Variants in RNF19B observed in about 807,000 individuals in gnomAD.
The protein encoded by RNF19B is E3 ubiquitin-protein ligase RNF19B.
In RNF19B, 23 loss-of-function variants were observed where a neutral mutation model predicts 65.5. The observed-to-expected ratio is 0.35, with a 90% CI of 0.25 to 0.50. RNF19B has a LOEUF of 0.50. RNF19B is among the 20% of genes least tolerant of loss of function. The probability of loss-of-function intolerance (pLI) is 0.98; values close to 1 mark genes in which losing one functional copy is unlikely to be tolerated. For missense variants in RNF19B, 794 were observed against 980.0 expected, an observed-to-expected ratio of 0.81 and a Z score of 2.53; for synonymous variants, 372 against 379.6, an observed-to-expected ratio of 0.98 and a Z score of 0.23.
At chr1:32,958,565 A>C (rs1180552892) in intron 1 of RNF19B, among the ~76,000 whole-genome samples, 1 of 152,090 alleles carries the variant, frequency 6.6e-6, no homozygotes, top group Non-Finnish European at 1.5e-5. Flanking sequence ...AAATACAAAA[A>C]ATTAGCCAGG....
chr1:32,959,412 G>C (rs560816498), intron 1 of RNF19B, among the ~76,000 whole-genome samples: 2 of 152,300 alleles, frequency 1.3e-5, no homozygotes, highest in East Asian at 1.9e-4. Flanking sequence ...CAGGATACTT[G>C]AGAGGAAAAC....
In RNF19B at chr1:32,964,657, G is replaced by T; in HGVS notation, c.29C>A (p.Pro10Gln). The part of the protein sequence containing the change: MGSEKDSES[P>Q]RSTSLHAAAP... ...GGCCGCATGTAGCGATGTGGAGCGC[G>T]GCGACTCGGAGTCCTTCTCGGAGCC... Residue 10 changes from proline to glutamine, a missense_variant, in exon 1 of 9, where the codon CCG becomes CAG. Around this residue, in one of 3 missense-constraint regions of RNF19B, gnomAD observed 374 missense variants for 423.8 expected, o/e 0.88. Transcript: ENST00000235150. This position sits in a 1 kb window ranked among gnomAD's most constrained non-coding sequence, Gnocchi z 6.5. 1 of 1,473,868 alleles carries T rather than the reference G, an allele frequency of 6.8e-7. No individual in the cohort carries two copies. Among genetic ancestry groups the T allele is most frequent in the Non-Finnish European group, 9.0e-7 (1 of 1,116,616 alleles). 91.3% of individuals were successfully genotyped at this position (1,473,868 alleles called of 1,614,324 possible).
intron 7 of RNF19B, 113 bp downstream of exon 7, chr1:32,942,139 C>A: frequency 1.1e-6 from 1 of 870,120 alleles, no homozygotes. Flanking sequence ...AAACCATTGA[C>A]AATTAAATCA....
At chr1:32,946,355 C>A (rs759649860) in intron 4 of RNF19B, 47 bp downstream of exon 4, 13 of 1,571,542 alleles carry the variant, frequency 8.3e-6, no homozygotes, top group Non-Finnish European at 1.1e-5. Flanking sequence ...CCTTTACTAA[C>A]GAACCTAAAG....
At chr1:32,949,880 T>C in intron 1 of RNF19B, 106 bp from the exon 2 acceptor site, 1 of 781,364 alleles carries the variant, frequency 1.3e-6, no homozygotes, top group South Asian at 1.6e-5. Flanking sequence ...CACTATCACA[T>C]ATGATACAGA....
At chr1:32,942,207 C>G (rs746030763) in intron 7 of RNF19B, 45 bp downstream of exon 7, 1 of 1,503,714 alleles carries the variant, frequency 6.7e-7, no homozygotes, top group Admixed American at 1.7e-5. Context: ...TGTGTTACTT[C>G]TTATAATTCT....
At chr1:32,929,677 T>C in the RNF19B span, among the ~76,000 whole-genome samples, 2 of 152,202 alleles carry the variant, frequency 1.3e-5, no homozygotes, top group African/African-American at 4.8e-5. Flanking sequence ...CTGCACCCCC[T>C]TTTTCAAGGG....
At chr1:32,959,709 G>C (rs1642724092) in intron 1 of RNF19B, among the ~76,000 whole-genome samples, 1 of 152,036 alleles carries the variant, frequency 6.6e-6, no homozygotes, top group African/African-American at 2.4e-5. Flanking sequence ...CTTGTTTTAA[G>C]ATTATACTAG....
At chr1:32,945,655 TCAG>T (rs1234533343) in intron 4 of RNF19B, 27 bp from the exon 5 acceptor site, 3 of 1,410,238 alleles carry the variant, frequency 2.1e-6, no homozygotes, top group Non-Finnish European at 3.0e-6. Flanking sequence ...AAAATCCAGG[TCAG>T]CAGGTTAGGA....
rs559015539 is a variant in RNF19B, at chr1:32,949,787, A to G, written c.636-13T>C. Reference sequence around the variant, plus strand: ...AATAACAGCATAACTAGGTAAGGAAACAGTAAGAGATACCAGTAAGGTAAG... The same window carrying G: ...AATAACAGCATAACTAGGTAAGGAAGCAGTAAGAGATACCAGTAAGGTAAG... On this transcript the variant is annotated splice_polypyrimidine_tract_variant and intron_variant, in intron 1 of 8. Coordinates refer to ENST00000235150, the MANE Select transcript of RNF19B (RefSeq NM_001300826.2). 16 of 1,600,760 alleles carry G rather than the reference A, an allele frequency of 1.0e-5. No individual in the cohort carries two copies. The Admixed American group carries it at 1.5e-4, about 15-fold the overall frequency.
chr1:32,951,905 C>T (rs1054108578), intron 1 of RNF19B, among the ~76,000 whole-genome samples: 4 of 151,664 alleles, frequency 2.6e-5, no homozygotes, highest in Non-Finnish European at 2.9e-5. Flanking sequence ...AGTGATTCTC[C>T]TGCCTCAGCC....
At chr1:32,929,162 G>A in the RNF19B span, among the ~76,000 whole-genome samples, 2 of 152,102 alleles carry the variant, frequency 1.3e-5, no homozygotes, top group Non-Finnish European at 2.9e-5. Flanking sequence ...AGCTTCTGAT[G>A]GTTTGCTGGC....
At chr1:32,951,005 A>C (rs11808724) in intron 1 of RNF19B, among the ~76,000 whole-genome samples, 1 of 151,758 alleles carries the variant, frequency 6.6e-6, no homozygotes, top group South Asian at 2.1e-4. Context: ...ATGCGCAGCT[A>C]ATTTTTGTAT....
At position 32,936,631 on chromosome 1, in the gene RNF19B, T is replaced by C; in HGVS notation, c.*175A>G. On this transcript the variant is annotated 3_prime_UTR_variant, in exon 9 of 9. Transcript: ENST00000235150. ...AGGGGAACTAACGGCAAACTTTTCA[T>C]GTTTTATCTGGTAAGAAATTGTGAA... 1 of 653,010 alleles carries C rather than the reference T, an allele frequency of 1.5e-6. No homozygotes were observed. The highest frequency in any genetic ancestry group is 2.4e-6 in the Non-Finnish European group (1 of 416,426). 40.5% of individuals were successfully genotyped at this position (653,010 alleles called of 1,614,324 possible). A position where few individuals can be genotyped will look rare whatever the true frequency, so the allele number is the denominator to read the frequency against.
chr1:32,954,219 T>A (rs989333154), intron 1 of RNF19B, among the ~76,000 whole-genome samples: 1 of 151,696 alleles, frequency 6.6e-6, no homozygotes, highest in Non-Finnish European at 1.5e-5. Context: ...GCCCACTTTT[T>A]TTTTTTTCTT....
At chr1:32,931,206 CCAA>C in the RNF19B span, among the ~76,000 whole-genome samples, 2 of 152,122 alleles carry the variant, frequency 1.3e-5, no homozygotes, top group African/African-American at 4.8e-5. Context: ...TCTTCCTGGT[CCAA>C]CATCTTTGGA....
intron 6 of RNF19B, among the ~76,000 whole-genome samples, chr1:32,942,762 T>C (rs1188342286): frequency 1.3e-5 from 2 of 152,206 alleles, no homozygotes; most frequent in African/African-American, 2.4e-5. Context: ...TCCACTACAC[T>C]GTTGCTTCCA....
intron 5 of RNF19B, 63 bp downstream of exon 5, chr1:32,945,451 A>G: frequency 2.0e-6 from 2 of 1,020,408 alleles, no homozygotes; most frequent in South Asian, 2.7e-5. Context: ...ACATCTGGCC[A>G]TCTGGCTAAA....
At chr1:32,945,760 C>T (rs1642352031) in intron 4 of RNF19B, 132 bp from the exon 5 acceptor site, 1 of 526,158 alleles carries the variant, frequency 1.9e-6, no homozygotes, top group Non-Finnish European at 3.4e-6. Flanking sequence ...AAATAGGCAT[C>T]TTTATCAAAT....
Sources: allele counts gnomAD v4.1 joint callset (sites outside exome capture counted in the v4.1 genomes callset), GRCh38; gene constraint gnomAD v4.1.1; regional missense constraint gnomAD v4.1.1; non-coding constraint Gnocchi (gnomAD v3.1); transcripts MANE v1.5; gene names NCBI Gene and HGNC (gene_info 2026-07-23, HGNC 2026-07-21).